ERGIC1: variants seen among roughly 807,000 people sequenced by gnomAD.
ERGIC1 encodes the protein endoplasmic reticulum-golgi intermediate compartment 1.
ERGIC1 carries 19 observed loss-of-function variants against 38.3 expected under a neutral mutation model. That is an observed-to-expected ratio of 0.50 (90% CI 0.35 to 0.73). ERGIC1 has a LOEUF of 0.73. Ranked by LOEUF, ERGIC1 falls within the 30% of genes least tolerant of loss-of-function variation. The pLI, the probability that ERGIC1 is intolerant of heterozygous loss-of-function variation, is 0.01. For missense variants in ERGIC1, 294 were observed against 389.2 expected, an observed-to-expected ratio of 0.76 and a Z score of 2.06; for synonymous variants, 124 against 157.6, an observed-to-expected ratio of 0.79 and a Z score of 1.60.
At chr5:172,934,904 T>C in intron 8 of ERGIC1, 1 of 435,660 alleles carries the variant, frequency 2.3e-6, no homozygotes, top group Non-Finnish European at 4.3e-6. Context: ...ACTTTTCCTT[T>C]TACAGCTCTG....
At chr5:172,900,811 G>A (rs1762855484) in intron 3 of ERGIC1, among the ~76,000 whole-genome samples, 1 of 152,218 alleles carries the variant, frequency 6.6e-6, no homozygotes, top group East Asian at 1.9e-4. Context: ...GGGAGGCAGA[G>A]ATGAATAGAG....
At chr5:172,903,022 C>G (rs1267542434) in intron 3 of ERGIC1, among the ~76,000 whole-genome samples, 5 of 151,990 alleles carry the variant, frequency 3.3e-5, no homozygotes, top group African/African-American at 1.2e-4. Context: ...TACAAGGCCA[C>G]TGTCCACCCA....
At chr5:172,841,307 T>A (rs761394010) in intron 1 of ERGIC1, among the ~76,000 whole-genome samples, 1 of 152,068 alleles carries the variant, frequency 6.6e-6, no homozygotes, top group Non-Finnish European at 1.5e-5. Context: ...CCAGGGGACA[T>A]GTGGGGTCCT....
Position 172,925,756 on chromosome 5 carries a change from C to T in ERGIC1, c.481-753C>T, listed in dbSNP as rs140073631. Among the ~76,000 whole-genome samples the T allele has an allele frequency of 1.9e-4, 29 of 152,332 alleles. No individual in the cohort carries two copies. In the East Asian group the frequency reaches 5.2e-3, roughly 27 times the overall value. Reference sequence around the variant, plus strand: ...GTCAATGTCATTTCCTCCAGGAAGGCCTCCAGGGTGTCTAGCTCGATAACC... The same window carrying T: ...GTCAATGTCATTTCCTCCAGGAAGGTCTCCAGGGTGTCTAGCTCGATAACC... On this transcript the variant is annotated intron_variant, in intron 6 of 9. Coordinates refer to ENST00000393784, the MANE Select transcript of ERGIC1 (RefSeq NM_001031711.3).
intron 1 of ERGIC1, among the ~76,000 whole-genome samples, chr5:172,855,837 C>A (rs1041658335): frequency 6.6e-6 from 1 of 152,192 alleles, no homozygotes; most frequent in African/African-American, 2.4e-5. Context: ...GGGCTGTGAG[C>A]GGCCCACTCA....
Position 172,846,679 on chromosome 5 carries a change from C to G in ERGIC1, c.20+12246C>G, listed in dbSNP as rs538571930. Reference sequence around the variant, plus strand: ...CCTTCAAAGGAATAGGAAGGTTTCTCCTGGCGCAGGAAAGTGTTTTAAGAG... The same window carrying G: ...CCTTCAAAGGAATAGGAAGGTTTCTGCTGGCGCAGGAAAGTGTTTTAAGAG... On this transcript the variant is annotated intron_variant, in intron 1 of 9. Transcript: ENST00000393784. This position sits in a 1 kb window ranked among gnomAD's most constrained non-coding sequence, Gnocchi z 4.0. Among the ~76,000 whole-genome samples the G allele has an allele frequency of 6.6e-6, 1 of 152,170 alleles. No individual in the cohort carries two copies. Among genetic ancestry groups the G allele is most frequent in the Non-Finnish European group, 1.5e-5 (1 of 68,022 alleles).
At chr5:172,924,553 G>C (rs1763607752) in intron 6 of ERGIC1, among the ~76,000 whole-genome samples, 1 of 152,134 alleles carries the variant, frequency 6.6e-6, no homozygotes, top group South Asian at 2.1e-4. Context: ...TGAAGGTCTG[G>C]TTGGTGACTC....
At chr5:172,893,388 TC>T (rs1279830106) in intron 2 of ERGIC1, among the ~76,000 whole-genome samples, 6 of 152,142 alleles carry the variant, frequency 3.9e-5, no homozygotes, top group African/African-American at 1.2e-4. Flanking sequence ...CCTCAAGTGA[TC>T]CGTCTGCCTC....
intron 2 of ERGIC1, among the ~76,000 whole-genome samples, chr5:172,891,821 CTTCT>C (rs1762566277): frequency 6.6e-6 from 1 of 152,192 alleles, no homozygotes; most frequent in Non-Finnish European, 1.5e-5. Context: ...CCCTGCCTTT[CTTCT>C]GCTGATACAT....
At chr5:172,881,290 A>G (rs1762278279) in intron 1 of ERGIC1, among the ~76,000 whole-genome samples, 1 of 152,200 alleles carries the variant, frequency 6.6e-6, no homozygotes, top group Non-Finnish European at 1.5e-5. Context: ...AGTATCCACA[A>G]AAGTAGAGAA....
rs542976965 is a variant in ERGIC1, at chr5:172,857,288, A to G, written c.20+22855A>G. 1.2e-3 allele frequency among the ~76,000 whole-genome samples: 180 copies of G among 152,310 alleles called. 9 individuals carry two copies. In the South Asian group the frequency reaches 0.037, roughly 31 times the overall value. ...GCTTGGCATTGGACGTAGCTGAGGTAGGGTCTCAGGTGATATCCCTGGAAT... is the reference window on the plus strand; with the variant it reads ...GCTTGGCATTGGACGTAGCTGAGGTGGGGTCTCAGGTGATATCCCTGGAAT... On this transcript the variant is annotated intron_variant, in intron 1 of 9. Coordinates refer to ENST00000393784, the MANE Select transcript of ERGIC1 (RefSeq NM_001031711.3).
intron 9 of ERGIC1, among the ~76,000 whole-genome samples, chr5:172,941,480 T>C (rs1361839829): frequency 6.6e-6 from 1 of 152,132 alleles, no homozygotes; most frequent in Non-Finnish European, 1.5e-5. Context: ...TCACAGCCAG[T>C]AAATGGCAAG....
chr5:172,836,568 T>G (rs185556286), intron 1 of ERGIC1, among the ~76,000 whole-genome samples: 1 of 152,314 alleles, frequency 6.6e-6, no homozygotes, highest in Admixed American at 6.5e-5. Context: ...ACTTCAAGGC[T>G]CCAGGACCTG....
At chr5:172,855,716 C>A (rs1178649804) in intron 1 of ERGIC1, among the ~76,000 whole-genome samples, 2 of 152,190 alleles carry the variant, frequency 1.3e-5, no homozygotes, top group Non-Finnish European at 2.9e-5. Flanking sequence ...GCACGTGGTA[C>A]ACTGATGAGG....
At chr5:172,937,150 G>C (rs6888106) in intron 9 of ERGIC1, 28,127 of 152,062 alleles carry the variant, frequency 0.18, 2,786 homozygotes, top group South Asian at 0.24. Flanking sequence ...ATAACATAAA[G>C]CAAAAATCTC....
At chr5:172,900,196 C>T (rs540515988) in intron 3 of ERGIC1, among the ~76,000 whole-genome samples, 3 of 152,272 alleles carry the variant, frequency 2.0e-5, no homozygotes, top group South Asian at 2.1e-4. Flanking sequence ...GGGCCCCACC[C>T]GCAGAATGCC....
At chr5:172,935,400 C>CA in intron 9 of ERGIC1, 90 bp downstream of exon 9, 3 of 1,560,790 alleles carry the variant, frequency 1.9e-6, no homozygotes, top group Non-Finnish European at 2.6e-6. Context: ...CACCTGTTCT[C>CA]GCTGAAACAG....
At chr5:172,861,047 C>T (rs1024191597) in intron 1 of ERGIC1, among the ~76,000 whole-genome samples, 2 of 152,204 alleles carry the variant, frequency 1.3e-5, no homozygotes, top group Non-Finnish European at 2.9e-5. Flanking sequence ...CCGCCGAAAA[C>T]AAGCTGAGTC....
At chr5:172,893,868 G>GATATATAT (rs1191189327) in intron 2 of ERGIC1, among the ~76,000 whole-genome samples, 68 of 28,188 alleles carry the variant, frequency 2.4e-3, no homozygotes, top group East Asian at 4.6e-3. Context: ...CACTTAGGGG[G>GATATATAT]ATATATATAT....
Sources: gnomAD v4.1 joint callset for allele counts (sites outside exome capture counted in the v4.1 genomes callset) on GRCh38, gnomAD v4.1.1 for gene constraint, Gnocchi (gnomAD v3.1) non-coding constraint, MANE v1.5 for transcripts, NCBI Gene and HGNC (gene_info 2026-07-23, HGNC 2026-07-21) for gene names.